ERC2: variants seen among roughly 807,000 people sequenced by gnomAD.
ERC2 encodes ELKS/RAB6-interacting/CAST family member 2.
Under a neutral mutation model 114.8 loss-of-function variants are expected in ERC2, and 42 were observed. The observed-to-expected ratio is 0.37, with a 90% CI of 0.29 to 0.47. The LOEUF (loss-of-function observed/expected upper bound fraction) is 0.47. Among genes scored for constraint, ERC2 ranks in the 20% least tolerant of loss-of-function variants. ERC2 has a pLI of 0.99. For synonymous variants in ERC2, 454 were observed against 425.5 expected (o/e 1.07, Z -0.82); for missense variants, 939 against 1,150.7 (o/e 0.82, Z 2.66).
chr3:56,230,273 C>T (rs1575968653), intron 3 of ERC2, among the ~76,000 whole-genome samples: 1 of 152,112 alleles, frequency 6.6e-6, no homozygotes, highest in African/African-American at 2.4e-5. Flanking sequence ...CTTCATCGTT[C>T]TTAAATAGCA....
intron 13 of ERC2, among the ~76,000 whole-genome samples, chr3:55,918,268 A>G (rs2065220226): frequency 1.3e-5 from 2 of 152,084 alleles, no homozygotes; most frequent in South Asian, 4.2e-4. Context: ...TGTTGAAGGT[A>G]TAGCAGAGAC....
At chr3:55,559,893 C>A (rs148395590) in intron 17 of ERC2, among the ~76,000 whole-genome samples, 5 of 152,364 alleles carry the variant, frequency 3.3e-5, no homozygotes, top group Non-Finnish European at 7.3e-5. Context: ...CGCTAGCCCA[C>A]AGCGTACGGA....
At chr3:55,659,728 C>T (rs889995218) in intron 17 of ERC2, among the ~76,000 whole-genome samples, 4 of 152,136 alleles carry the variant, frequency 2.6e-5, no homozygotes, top group African/African-American at 9.7e-5. Flanking sequence ...GCCTGTTTGC[C>T]TCCTATACTC....
chr3:55,671,661 G>A (rs2061564998), intron 17 of ERC2, among the ~76,000 whole-genome samples: 1 of 152,178 alleles, frequency 6.6e-6, no homozygotes, highest in Non-Finnish European at 1.5e-5. Flanking sequence ...GCCTAATGGT[G>A]GTGCTAGGCT....
chr3:56,241,066 G>A (rs541387264), intron 3 of ERC2, among the ~76,000 whole-genome samples: 1 of 152,196 alleles, frequency 6.6e-6, no homozygotes, highest in South Asian at 2.1e-4. Context: ...ACAATTAAGA[G>A]ATCACACAAT....
intron 14 of ERC2, among the ~76,000 whole-genome samples, chr3:55,795,109 T>TA (rs1287941512): frequency 6.6e-6 from 1 of 152,194 alleles, no homozygotes; most frequent in Non-Finnish European, 1.5e-5. Flanking sequence ...CAGCTTTTTT[T>TA]AAATCCTAAA....
chr3:56,288,037 T>C (rs1332062016), intron 3 of ERC2, among the ~76,000 whole-genome samples: 1 of 152,150 alleles, frequency 6.6e-6, no homozygotes, highest in Non-Finnish European at 1.5e-5. Context: ...ACGGAATGTG[T>C]TTTATAATGG....
chr3:55,679,383 C>T (rs1299882643), intron 17 of ERC2, among the ~76,000 whole-genome samples: 2 of 152,188 alleles, frequency 1.3e-5, no homozygotes, highest in African/African-American at 4.8e-5. Context: ...GCTTGCTGAA[C>T]ATCCTTCCTT....
chr3:55,582,321 A>G (rs973618031), intron 17 of ERC2, among the ~76,000 whole-genome samples: 3 of 152,148 alleles, frequency 2.0e-5, no homozygotes, highest in Non-Finnish European at 2.9e-5. Context: ...TACTCAATAC[A>G]ATAGGTATTT....
chr3:55,627,401 G>A (rs2059561663), intron 17 of ERC2, among the ~76,000 whole-genome samples: 2 of 152,114 alleles, frequency 1.3e-5, no homozygotes, highest in South Asian at 2.1e-4. Context: ...AGGAGGCAGA[G>A]GTTGCAGTGA....
chr3:55,840,282 A>G (rs1165083231), intron 14 of ERC2, among the ~76,000 whole-genome samples: 1 of 152,060 alleles, frequency 6.6e-6, no homozygotes, highest in Admixed American at 6.5e-5. Context: ...AAACTCCAAA[A>G]CAAGTAAACA....
intron 14 of ERC2, among the ~76,000 whole-genome samples, chr3:55,848,477 C>G (rs1188460362): frequency 1.3e-5 from 2 of 152,176 alleles, no homozygotes; most frequent in African/African-American, 4.8e-5. Context: ...CTTTTAAAAG[C>G]CTTCCATGTT....
intron 17 of ERC2, among the ~76,000 whole-genome samples, chr3:55,656,985 G>A (rs1444589993): frequency 6.6e-6 from 1 of 152,154 alleles, no homozygotes; most frequent in East Asian, 1.9e-4. Context: ...TCCACAGCAG[G>A]ATGGTGGCTT....
chr3:56,247,946 A>G (rs2051833129), intron 3 of ERC2, among the ~76,000 whole-genome samples: 1 of 152,252 alleles, frequency 6.6e-6, no homozygotes, highest in Non-Finnish European at 1.5e-5. Context: ...GGACATGCCC[A>G]ATACCTTTTA....
At chr3:56,407,258 A>T (rs1425857377) in intron 2 of ERC2, among the ~76,000 whole-genome samples, 1 of 152,200 alleles carries the variant, frequency 6.6e-6, no homozygotes, top group Non-Finnish European at 1.5e-5. Flanking sequence ...AAAAAGTATT[A>T]GAATTCTGCA....
chr3:55,690,578 A>G (rs2062590357), intron 16 of ERC2, among the ~76,000 whole-genome samples: 1 of 152,218 alleles, frequency 6.6e-6, no homozygotes, highest in Admixed American at 6.5e-5. Flanking sequence ...TACTGCAACA[A>G]ATCTCTTAAT....
At chr3:55,607,537 C>T (rs1305696214) in intron 17 of ERC2, among the ~76,000 whole-genome samples, 1 of 152,032 alleles carries the variant, frequency 6.6e-6, no homozygotes, top group African/African-American at 2.4e-5. Flanking sequence ...TGGTGCTCCT[C>T]CAATGCCCAC....
intron 2 of ERC2, among the ~76,000 whole-genome samples, chr3:56,378,643 G>T (rs1183046101): frequency 6.6e-6 from 1 of 150,962 alleles, no homozygotes; most frequent in African/African-American, 2.4e-5. Context: ...TATACAGATA[G>T]AAAACATTTT....
chr3:56,139,221 C>CTCTT (rs2080702865), intron 6 of ERC2, among the ~76,000 whole-genome samples: 1 of 152,156 alleles, frequency 6.6e-6, no homozygotes, highest in South Asian at 2.1e-4. Flanking sequence ...CACAAACTGA[C>CTCTT]AAGAGTCTAA....
Sources: allele counts gnomAD v4.1 joint callset (sites outside exome capture counted in the v4.1 genomes callset), GRCh38; gene constraint gnomAD v4.1.1; transcripts MANE v1.5; gene names NCBI Gene and HGNC (gene_info 2026-07-23, HGNC 2026-07-21).